Variants in DOK6 observed in about 807,000 individuals in gnomAD.
DOK6 encodes docking protein 6, also known as downstream of tyrosine kinase 6.
In DOK6, 22 loss-of-function variants were observed where a neutral mutation model predicts 44.0. The ratio of observed to expected loss-of-function variants is 0.50; its 90% CI spans 0.36 to 0.71. The LOEUF is 0.71. Ranked by LOEUF, DOK6 falls within the 30% of genes least tolerant of loss-of-function variation. The pLI is 0.00. For synonymous variants in DOK6, 166 were observed against 145.5 expected (o/e 1.14, Z -1.01); for missense variants, 340 against 416.4 (o/e 0.82, Z 1.60).
rs554283384 is a variant in DOK6, at chr18:69,583,625, T to C, written c.175-15759T>C. Among the ~76,000 whole-genome samples the C allele has an allele frequency of 3.9e-5, 6 of 152,158 alleles. No individual in the cohort carries two copies. In the South Asian group the frequency reaches 1.2e-3, roughly 32 times the overall value. ...TTCCCCATCCCATACACGGCAAAGA[T>C]TTCATCATAGGCCAGGCATGGTGAA... On this transcript the variant is annotated intron_variant, in intron 2 of 7. Transcript: ENST00000382713.
At chr18:69,624,884 C>T (rs1178638425) in intron 3 of DOK6, among the ~76,000 whole-genome samples, 1 of 152,032 alleles carries the variant, frequency 6.6e-6, no homozygotes, top group African/African-American at 2.4e-5. Context: ...ATCGTCTTTT[C>T]TTCTTTACAT....
At chr18:69,669,251 C>T (rs10871648) in intron 3 of DOK6, among the ~76,000 whole-genome samples, 52,208 of 152,034 alleles carry the variant, frequency 0.34, 10,168 homozygotes, top group East Asian at 0.71. Context: ...TCTCCCTCCT[C>T]CCACTCTCCA....
intron 5 of DOK6, 37 bp downstream of exon 5, chr18:69,698,630 C>G (rs1467550101): frequency 1.3e-6 from 2 of 1,596,150 alleles, no homozygotes; most frequent in Non-Finnish European, 1.7e-6. Context: ...CAGGAGTTGT[C>G]TGTATAACAG....
intron 3 of DOK6, among the ~76,000 whole-genome samples, chr18:69,612,411 G>GCGCATGTGTGCGAGGC (rs1984168597): frequency 6.8e-6 from 1 of 146,690 alleles, no homozygotes; most frequent in African/African-American, 2.5e-5. Flanking sequence ...GTGTGCGAGG[G>GCGCATGTGTGCGAGGC]CGCATGTGTG....
intron 1 of DOK6, chr18:69,532,701 A>C (rs879439462): frequency 6.6e-6 from 1 of 152,082 alleles, no homozygotes; most frequent in Non-Finnish European, 1.5e-5. Flanking sequence ...TCCCTTTAAA[A>C]ATTTTTAAAA....
chr18:69,700,216 C>CACATATATATATATATATAT (rs1986484130), intron 5 of DOK6, among the ~76,000 whole-genome samples: 2 of 124,762 alleles, frequency 1.6e-5, no homozygotes, highest in African/African-American at 6.0e-5. Context: ...CATATATATA[C>CACATATATATATATATATAT]ATATATATAT....
intron 7 of DOK6, among the ~76,000 whole-genome samples, chr18:69,821,357 A>G (rs1354028245): frequency 1.3e-5 from 2 of 152,160 alleles, no homozygotes; most frequent in African/African-American, 4.8e-5. Flanking sequence ...TTTTAGGTTC[A>G]GTTCAACTGT....
In DOK6 at chr18:69,401,180, G is replaced by A; in HGVS notation, c.-65G>A. 3.4e-6 allele frequency: 5 copies of A among 1,480,504 alleles called. No homozygotes were observed. The highest frequency in any genetic ancestry group is 4.5e-6 in the Non-Finnish European group (5 of 1,112,158). 91.7% of individuals were successfully genotyped at this position (1,480,504 alleles called of 1,614,324 possible). Reference sequence around the variant, plus strand: ...GATGCGAGACCCGCGCAGACCCGGCGGCGGACGGCGGCTCTCGACTCCGGA... The same window carrying A: ...GATGCGAGACCCGCGCAGACCCGGCAGCGGACGGCGGCTCTCGACTCCGGA... On this transcript the variant is annotated 5_prime_UTR_variant, in exon 1 of 8. Transcript: ENST00000382713.
intron 7 of DOK6, among the ~76,000 whole-genome samples, chr18:69,772,329 TC>T: frequency 6.6e-6 from 1 of 151,998 alleles, no homozygotes; most frequent in Middle Eastern, 3.4e-3. Flanking sequence ...CCCAAAAAAA[TC>T]CCAAGGTATT....
At chr18:69,644,148 A>G (rs1328827641) in intron 3 of DOK6, among the ~76,000 whole-genome samples, 2 of 151,982 alleles carry the variant, frequency 1.3e-5, no homozygotes, top group Admixed American at 6.5e-5. Context: ...TAAATTCTAG[A>G]TATTTGTTCT....
At chr18:69,437,850 A>C (rs549831869) in intron 1 of DOK6, among the ~76,000 whole-genome samples, 1 of 152,330 alleles carries the variant, frequency 6.6e-6, no homozygotes, top group South Asian at 2.1e-4. Context: ...TATCAAAAAG[A>C]GTCAAACAAA....
chr18:69,478,764 C>A (rs8090001), intron 1 of DOK6, among the ~76,000 whole-genome samples: 36,086 of 151,924 alleles, frequency 0.24, 4,568 homozygotes, highest in East Asian at 0.52. Flanking sequence ...TATTAAAACT[C>A]AGAAACCAAT....
At chr18:69,535,545 G>C (rs1982099683) in intron 1 of DOK6, among the ~76,000 whole-genome samples, 1 of 146,846 alleles carries the variant, frequency 6.8e-6, no homozygotes, top group Non-Finnish European at 1.5e-5. Flanking sequence ...TAATGAACTT[G>C]CTATGAATTT....
chr18:69,637,444 A>C (rs752939436), intron 3 of DOK6, among the ~76,000 whole-genome samples: 7 of 152,192 alleles, frequency 4.6e-5, no homozygotes, highest in African/African-American at 1.7e-4. Context: ...ATAAGCCTAC[A>C]TAATTCCATT....
chr18:69,668,120 T>C (rs7242614), intron 3 of DOK6, among the ~76,000 whole-genome samples: 138,627 of 152,056 alleles, frequency 0.91, 64,152 homozygotes, highest in Non-Finnish European at 0.99. Flanking sequence ...TCCCTCATAC[T>C]CTGCTTGCAA....
intron 6 of DOK6, among the ~76,000 whole-genome samples, chr18:69,749,386 T>G (rs544963322): frequency 6.6e-6 from 1 of 152,308 alleles, no homozygotes; most frequent in East Asian, 1.9e-4. Context: ...TCTTCAATCT[T>G]TCACAAAATA....
intron 1 of DOK6, among the ~76,000 whole-genome samples, chr18:69,455,074 A>G (rs533225423): frequency 2.8e-4 from 27 of 97,954 alleles, no homozygotes; most frequent in African/African-American, 8.7e-4. Context: ...AAAAAAGAAA[A>G]GAAAAGAAAA....
chr18:69,607,075 A>G (rs1984018814), intron 3 of DOK6, among the ~76,000 whole-genome samples: 2 of 152,210 alleles, frequency 1.3e-5, no homozygotes, highest in South Asian at 4.1e-4. Flanking sequence ...AGGCAATGTG[A>G]TTAGCCCAGA....
At chr18:69,479,522 T>A (rs12966827) in intron 1 of DOK6, among the ~76,000 whole-genome samples, 1 of 152,210 alleles carries the variant, frequency 6.6e-6, no homozygotes, top group East Asian at 1.9e-4. Context: ...TTTACTTTGC[T>A]GCAGATGTGC....
Sources: allele counts gnomAD v4.1 joint callset (sites outside exome capture counted in the v4.1 genomes callset), GRCh38; gene constraint gnomAD v4.1.1; transcripts MANE v1.5; gene names NCBI Gene and HGNC (gene_info 2026-07-23, HGNC 2026-07-21).